VPS13A: variants seen among roughly 807,000 people sequenced by gnomAD.
VPS13A encodes vacuolar protein sorting 13 homolog A, also known as intermembrane lipid transfer protein VPS13A.
In VPS13A, 264 loss-of-function variants were observed where a neutral mutation model predicts 390.9. That is an observed-to-expected ratio of 0.68 (90% CI 0.61 to 0.75). The LOEUF (loss-of-function observed/expected upper bound fraction) is 0.75, where lower values mean the gene tolerates loss of function less well. Among genes scored for constraint, VPS13A ranks in the 30% least tolerant of loss-of-function variants. VPS13A has a pLI of 0.00. For synonymous variants in VPS13A, 1,231 were observed against 1,227.1 expected (o/e 1.00, Z -0.07); for missense variants, 3,409 against 3,733.9 (o/e 0.91, Z 2.27).
At chr9:77,271,230 A>T (rs1047877729) in intron 23 of VPS13A, among the ~76,000 whole-genome samples, 1 of 152,206 alleles carries the variant, frequency 6.6e-6, no homozygotes, top group Non-Finnish European at 1.5e-5. Context: ...CACCAGAAAA[A>T]TGCAAATCAA....
Position 77,314,122 on chromosome 9 carries a change from A to C in VPS13A, c.4242+3A>C. On this transcript the variant is annotated splice_donor_region_variant and intron_variant, in intron 36 of 71. Transcript: ENST00000360280. Reference sequence around the variant, plus strand: ...TGTATAGTCCAGGTCCTAAACAGGTAAGTCCAGGAAGAAAAGAAAATGTAT... The same window carrying C: ...TGTATAGTCCAGGTCCTAAACAGGTCAGTCCAGGAAGAAAAGAAAATGTAT... 1 of 1,612,744 alleles carries C rather than the reference A, an allele frequency of 6.2e-7. No homozygotes were observed. Among genetic ancestry groups the C allele is most frequent in the Non-Finnish European group, 8.5e-7 (1 of 1,179,272 alleles).
At chr9:77,253,522 G>T (rs1436387171) in intron 22 of VPS13A, among the ~76,000 whole-genome samples, 1 of 152,074 alleles carries the variant, frequency 6.6e-6, no homozygotes, top group Admixed American at 6.5e-5. Context: ...AGCCAGGGTG[G>T]GCTTGATCTC....
At chr9:77,327,915 A>G (rs1830095022) in intron 45 of VPS13A, among the ~76,000 whole-genome samples, 1 of 152,088 alleles carries the variant, frequency 6.6e-6, no homozygotes, top group Non-Finnish European at 1.5e-5. Flanking sequence ...ATGTATCACA[A>G]ATGTTATTAA....
intron 44 of VPS13A, 99 bp downstream of exon 44, chr9:77,321,845 T>G: frequency 7.3e-6 from 10 of 1,362,944 alleles, no homozygotes; most frequent in Non-Finnish European, 1.0e-5. Flanking sequence ...AGGTTTTTTT[T>G]GTTTTTGTTT....
intron 45 of VPS13A, among the ~76,000 whole-genome samples, chr9:77,330,378 C>T (rs1830221048): frequency 6.6e-6 from 1 of 152,170 alleles, no homozygotes; most frequent in Admixed American, 6.5e-5. Flanking sequence ...CAAGCTTATG[C>T]TCATTCCGTT....
intron 68 of VPS13A, among the ~76,000 whole-genome samples, chr9:77,398,839 A>G (rs1322050762): frequency 6.6e-6 from 1 of 151,918 alleles, no homozygotes; most frequent in Non-Finnish European, 1.5e-5. Context: ...TGGCAGCCAT[A>G]AAAAATGATG....
chr9:77,314,606 T>G lies in VPS13A; in HGVS notation c.4354T>G (p.Ser1452Ala), dbSNP rs1587559843. The change falls in exon 37 of 72, where the codon TCA (serine) becomes GCA (alanine). Residue 1452 changes from serine (S) to alanine (A), a missense_variant. Around this residue, in one of 5 missense-constraint regions of VPS13A, gnomAD observed 2,717 missense variants for 2,917.4 expected, o/e 0.93. Coordinates refer to ENST00000360280, the MANE Select transcript of VPS13A (RefSeq NM_033305.3). Reference sequence around the variant, plus strand: ...AGATGGCTCAACATTTTCTTCCTTCTCATTAAAAAACTGTATTTTAGATGA... The same window carrying G: ...AGATGGCTCAACATTTTCTTCCTTCGCATTAAAAAACTGTATTTTAGATGA... Reference protein sequence around the residue: ...YTDGSTFSSFSLKNCILDDKR... With the variant: ...YTDGSTFSSFALKNCILDDKR... The G allele has an allele frequency of 6.2e-7, 1 of 1,612,104 alleles. No homozygotes were observed. Among genetic ancestry groups the G allele is most frequent in the Non-Finnish European group, 8.5e-7 (1 of 1,179,028 alleles).
chr9:77,320,029 A>G (rs754390126), intron 42 of VPS13A, among the ~76,000 whole-genome samples: 1 of 152,178 alleles, frequency 6.6e-6, no homozygotes, highest in Non-Finnish European at 1.5e-5. Context: ...TATGCTTCTA[A>G]TACAATTATG....
rs373580682 is a variant in VPS13A, at chr9:77,319,582, A to G, written c.5324A>G (p.Tyr1775Cys). The G allele has an allele frequency of 4.4e-6, 7 of 1,601,276 alleles. No homozygotes were observed. The African/African-American group carries it at 6.7e-5, about 15-fold the overall frequency. The change falls in exon 42 of 72, where the codon TAT (tyrosine) becomes TGT (cysteine). Residue 1775 changes from tyrosine to cysteine, a missense_variant. By Grantham distance (194) the Tyr-to-Cys change is radical. Transcript: ENST00000360280. ...AAATTCTCTCTGTAGGTGCATTATT[A>G]TAATGAAATGTTTGGTGTATGGGAG... ...HCQLELEVHY[Y>C]NEMFGVWEPL...
chr9:77,302,573 A>G (rs1397896883), intron 33 of VPS13A, among the ~76,000 whole-genome samples: 1 of 151,686 alleles, frequency 6.6e-6, no homozygotes, highest in Non-Finnish European at 1.5e-5. Context: ...GGGTTTCACC[A>G]TGTTGGCCAG....
At chr9:77,379,065 CTTTTTTTT>C (rs71503211) in intron 67 of VPS13A, among the ~76,000 whole-genome samples, 8 of 72,364 alleles carry the variant, frequency 1.1e-4, no homozygotes, top group Non-Finnish European at 1.9e-4. Context: ...ATTTTCAGTC[CTTTTTTTT>C]TTTTTTTTTT....
At chr9:77,412,204 A>G (rs1361296621) in intron 71 of VPS13A, among the ~76,000 whole-genome samples, 2 of 152,224 alleles carry the variant, frequency 1.3e-5, no homozygotes, top group Non-Finnish European at 2.9e-5. Context: ...AAACTATTCC[A>G]ATCAATAGAA....
At chr9:77,307,560 T>C (rs1329578768) in intron 34 of VPS13A, among the ~76,000 whole-genome samples, 1 of 152,194 alleles carries the variant, frequency 6.6e-6, no homozygotes, top group African/African-American at 2.4e-5. Context: ...ACTCTAAAAT[T>C]TTTGGTAAAC....
At chr9:77,396,049 G>A (rs1834106597) in intron 68 of VPS13A, among the ~76,000 whole-genome samples, 1 of 152,062 alleles carries the variant, frequency 6.6e-6, no homozygotes, top group Non-Finnish European at 1.5e-5. Context: ...TCCATTAGAG[G>A]TTCTGCTGAA....
At position 77,337,366 on chromosome 9, in the gene VPS13A, TA is replaced by T. The variant is rs1254145288; in HGVS notation, c.6212del (p.Asn2071ThrfsTer18). On this transcript the variant is annotated frameshift_variant, in exon 47 of 72. Coordinates refer to ENST00000360280, the MANE Select transcript of VPS13A (RefSeq NM_033305.3). LOFTEE classifies it high-confidence loss of function. ...GALLKKKCRS[K>X]NPSKESFLIN... ...CTCTTCTAAAGAAGAAATGTAGATC[TA>T]AAAACCCTTCTAAGGAATCATTTCT... 6.2e-7 allele frequency: 1 copy of T among 1,612,904 alleles called. No homozygotes were observed. The highest frequency in any genetic ancestry group is 8.5e-7 in the Non-Finnish European group (1 of 1,179,134).
Position 77,318,186 on chromosome 9 carries a change from G to C in VPS13A, c.4957-49G>C, listed in dbSNP as rs201606560. ...TATATATTTAATATTTCTTGACGTA[G>C]TATGTTTGAAAGTGTTTTGTATAGA... On this transcript the variant is annotated intron_variant, in intron 40 of 71. Transcript: ENST00000360280. 1.8e-5 allele frequency: 19 copies of C among 1,029,484 alleles called. No individual in the cohort carries two copies. The African/African-American group carries it at 2.9e-4, about 16-fold the overall frequency. 63.8% of individuals were successfully genotyped at this position (1,029,484 alleles called of 1,614,324 possible).
chr9:77,224,135 AT>A (rs1021176313), intron 13 of VPS13A, among the ~76,000 whole-genome samples: 8 of 152,118 alleles, frequency 5.3e-5, no homozygotes, highest in African/African-American at 1.9e-4. Context: ...GTAAAAAAAG[AT>A]TTTTTTCAAA....
chr9:77,228,841 A>G (rs879450847), intron 17 of VPS13A, among the ~76,000 whole-genome samples: 1 of 152,148 alleles, frequency 6.6e-6, no homozygotes, highest in Admixed American at 6.5e-5. Flanking sequence ...TGGTGGCAGC[A>G]AGAGAAAATG....
At chr9:77,414,690 GTAACTAACC>G (rs1164380963) in intron 71 of VPS13A, among the ~76,000 whole-genome samples, 1 of 151,630 alleles carries the variant, frequency 6.6e-6, no homozygotes, top group African/African-American at 2.4e-5. Context: ...ATATACATAT[GTAACTAACC>G]TGCACGTTGT....
Sources: allele counts gnomAD v4.1 joint callset (sites outside exome capture counted in the v4.1 genomes callset), GRCh38; gene constraint gnomAD v4.1.1; regional missense constraint gnomAD v4.1.1; transcripts MANE v1.5; gene names NCBI Gene and HGNC (gene_info 2026-07-23, HGNC 2026-07-21).